Variants in TNFRSF10B observed in about 807,000 individuals in gnomAD.
TNFRSF10B encodes the protein TNF receptor superfamily member 10b.
Under a neutral mutation model 41.4 loss-of-function variants are expected in TNFRSF10B, and 35 were observed. The ratio of observed to expected loss-of-function variants is 0.85; its 90% CI spans 0.65 to 1.12. The LOEUF (loss-of-function observed/expected upper bound fraction) is 1.12. Ranked by LOEUF, TNFRSF10B falls within the 50% of genes most tolerant of loss-of-function variation. The probability of loss-of-function intolerance (pLI) is 0.00; values close to 1 mark genes in which losing one functional copy is unlikely to be tolerated. For missense variants in TNFRSF10B, 584 were observed against 552.7 expected (o/e 1.06, Z -0.57); for synonymous variants, 230 against 215.5 (o/e 1.07, Z -0.59).
At position 23,021,626 on chromosome 8, in the gene TNFRSF10B, A is replaced by G. The variant is rs1451373095; in HGVS notation, c.*1045T>C. ...GCTATGGGTGCAAATGAGACTGCCC[A>G]GGTAGGGACCAGCCACACACAGGAC... On this transcript the variant is annotated 3_prime_UTR_variant, in exon 9 of 9. Coordinates refer to ENST00000276431, the MANE Select transcript of TNFRSF10B (RefSeq NM_003842.5). 1 of 454,148 alleles carries G rather than the reference A, an allele frequency of 2.2e-6. No individual in the cohort carries two copies. Among genetic ancestry groups the G allele is most frequent in the East Asian group, 6.9e-5 (1 of 14,396 alleles). 28.1% of individuals were successfully genotyped at this position (454,148 alleles called of 1,614,324 possible). A position where few individuals can be genotyped will look rare whatever the true frequency, so the allele number is the denominator to read the frequency against.
intron 1 of TNFRSF10B, among the ~76,000 whole-genome samples, chr8:23,060,034 A>G (rs916307406): frequency 6.6e-6 from 1 of 152,248 alleles, no homozygotes; most frequent in African/African-American, 2.4e-5. Context: ...TATTTTAGAT[A>G]TTAAGCCCTT....
At chr8:23,045,809 C>G (rs1052983804) in intron 1 of TNFRSF10B, among the ~76,000 whole-genome samples, 2 of 152,066 alleles carry the variant, frequency 1.3e-5, no homozygotes, top group African/African-American at 4.8e-5. Context: ...ATGTGATATA[C>G]CATATTAACA....
chr8:23,034,790 T>C (rs1016692264), intron 2 of TNFRSF10B, among the ~76,000 whole-genome samples: 7 of 152,232 alleles, frequency 4.6e-5, no homozygotes, highest in Admixed American at 2.6e-4. Flanking sequence ...ATTACCACCA[T>C]CCAGGATGCA....
chr8:23,027,618 A>C, intron 6 of TNFRSF10B, 104 bp downstream of exon 6: 1 of 1,518,820 alleles, frequency 6.6e-7, no homozygotes, highest in Non-Finnish European at 9.1e-7. Flanking sequence ...TCAGAGAGTC[A>C]GGGCAGCCAT....
intron 1 of TNFRSF10B, among the ~76,000 whole-genome samples, chr8:23,067,405 A>G (rs951641127): frequency 2.0e-4 from 31 of 152,204 alleles, no homozygotes; most frequent in African/African-American, 7.2e-4. Context: ...AAAGAACATG[A>G]AAGTCTAAAG....
chr8:23,038,801 G>A (rs984440125), intron 2 of TNFRSF10B, among the ~76,000 whole-genome samples: 1 of 152,044 alleles, frequency 6.6e-6, no homozygotes, highest in Non-Finnish European at 1.5e-5. Context: ...TTCTGTATTA[G>A]TCAGGGCTCT....
intron 1 of TNFRSF10B, among the ~76,000 whole-genome samples, chr8:23,047,099 G>A (rs1483232041): frequency 2.0e-5 from 3 of 152,102 alleles, no homozygotes; most frequent in African/African-American, 7.2e-5. Flanking sequence ...AGCAAAAATA[G>A]ACAAATGGAA....
intron 3 of TNFRSF10B, 149 bp downstream of exon 3, chr8:23,030,610 T>C (rs958834874): frequency 1.5e-6 from 1 of 667,098 alleles, no homozygotes; most frequent in Non-Finnish European, 2.7e-6. Context: ...GTTTTATTTA[T>C]TAAAAAGCTC....
At chr8:23,056,302 A>G (rs1299517327) in intron 1 of TNFRSF10B, among the ~76,000 whole-genome samples, 1 of 152,202 alleles carries the variant, frequency 6.6e-6, no homozygotes. Context: ...GCCCTACTAT[A>G]ATAAGTAGAT....
Position 23,043,152 on chromosome 8 carries a change from C to T in TNFRSF10B, c.236G>A (p.Gly79Glu), listed in dbSNP as rs1454385930. The T allele has an allele frequency of 6.2e-7, 1 of 1,614,124 alleles. No individual in the cohort carries two copies. Among genetic ancestry groups the T allele is most frequent in the Non-Finnish European group, 8.5e-7 (1 of 1,180,028 alleles). ...CTTGAACATACCAGGTGGACACAAT[C>T]CCTCTGAGGGGCTGGACCTCTTTTG... is the stretch of plus-strand genomic sequence containing the variant. Reference protein sequence around the residue: ...PQQKRSSPSEGLCPPGHHISE... With the variant: ...PQQKRSSPSEELCPPGHHISE... Residue 79 changes from glycine (G) to glutamate (E), a missense_variant, in exon 2 of 9, where the codon GGA becomes GAA. Gly to Glu is a moderately conservative substitution (Grantham distance 98, BLOSUM62 -2). Transcript: ENST00000276431.
At chr8:23,041,106 T>C (rs1020489600) in intron 2 of TNFRSF10B, among the ~76,000 whole-genome samples, 4 of 150,902 alleles carry the variant, frequency 2.7e-5, no homozygotes, top group Non-Finnish European at 5.9e-5. Flanking sequence ...TCACCCAGGC[T>C]GAAGTGCAAT....
chr8:23,066,055 G>T (rs1812971333), intron 1 of TNFRSF10B, among the ~76,000 whole-genome samples: 2 of 152,186 alleles, frequency 1.3e-5, no homozygotes, highest in African/African-American at 4.8e-5. Context: ...GGACAAGGTG[G>T]GAGGATTCCT....
At chr8:23,057,289 C>T (rs1231466950) in intron 1 of TNFRSF10B, among the ~76,000 whole-genome samples, 4 of 151,728 alleles carry the variant, frequency 2.6e-5, no homozygotes, top group Non-Finnish European at 2.9e-5. Context: ...TTGTGATCCA[C>T]CTGCCTCAGC....
chr8:23,044,951 C>T (rs1255767139), intron 1 of TNFRSF10B, among the ~76,000 whole-genome samples: 4 of 150,450 alleles, frequency 2.7e-5, no homozygotes, highest in South Asian at 2.1e-4. Context: ...TGCAGTGGCT[C>T]ATGCCTATAA....
chr8:23,048,453 A>G (rs952991340), intron 1 of TNFRSF10B, among the ~76,000 whole-genome samples: 1 of 151,634 alleles, frequency 6.6e-6, no homozygotes, highest in Non-Finnish European at 1.5e-5. Flanking sequence ...AAAAAAAAAA[A>G]AAACAACTGA....
intron 1 of TNFRSF10B, among the ~76,000 whole-genome samples, chr8:23,066,111 C>T (rs1483797485): frequency 6.6e-6 from 1 of 151,890 alleles, no homozygotes; most frequent in Non-Finnish European, 1.5e-5. Context: ...GGTGAAACCC[C>T]GTCTCTACTA....
intron 1 of TNFRSF10B, among the ~76,000 whole-genome samples, chr8:23,062,625 TA>T (rs1394476133): frequency 6.6e-6 from 1 of 152,270 alleles, no homozygotes; most frequent in Non-Finnish European, 1.5e-5. Context: ...CCTACATTTG[TA>T]AACTTAGCTC....
intron 1 of TNFRSF10B, among the ~76,000 whole-genome samples, chr8:23,058,774 C>G (rs977470617): frequency 6.6e-6 from 1 of 152,124 alleles, no homozygotes; most frequent in Non-Finnish European, 1.5e-5. Flanking sequence ...TGTGAGCCGC[C>G]GTGCCCAGCT....
rs1421667809 is a variant in TNFRSF10B at position 23,040,308 on chromosome 8, ATT to A, written c.250+2828_250+2829del. Reference sequence around the variant, plus strand: ...TATTTATTAAATATATATAATATATATTTAATAAATATATATACAAAATATAT... The same window carrying A: ...TATTTATTAAATATATATAATATATATAATAAATATATATACAAAATATAT... On this transcript the variant is annotated intron_variant, in intron 2 of 8. Coordinates refer to ENST00000276431, the MANE Select transcript of TNFRSF10B (RefSeq NM_003842.5). Among the ~76,000 whole-genome samples the A allele has an allele frequency of 4.9e-5, 2 of 41,124 alleles. 1 individual carries two copies. The highest frequency in any genetic ancestry group is 9.7e-5 in the African/African-American group (2 of 20,704). The allele number at this position is 41,124 out of a possible 152,430, so 27.0% of individuals were successfully genotyped here.
Sources: allele counts gnomAD v4.1 joint callset (sites outside exome capture counted in the v4.1 genomes callset), GRCh38; gene constraint gnomAD v4.1.1; transcripts MANE v1.5; gene names NCBI Gene and HGNC (gene_info 2026-07-23, HGNC 2026-07-21).